IMPG1: variants seen among roughly 807,000 people sequenced by gnomAD.
IMPG1 encodes interphotoreceptor matrix proteoglycan of 150 kDa.
A neutral mutation model predicts 92.0 loss-of-function variants in IMPG1; 85 were observed. The ratio of observed to expected loss-of-function variants is 0.92; its 90% CI spans 0.78 to 1.11. IMPG1 has a LOEUF of 1.11. Among genes scored for constraint, IMPG1 ranks in the 50% least tolerant of loss-of-function variants. The pLI, the probability that IMPG1 is intolerant of heterozygous loss-of-function variation, is 0.00. For missense variants in IMPG1, 1,022 were observed against 956.0 expected (o/e 1.07, Z -0.91); for synonymous variants, 367 against 334.1 (o/e 1.10, Z -1.08).
At chr6:76,040,712 T>A (rs187555604) in intron 2 of IMPG1, among the ~76,000 whole-genome samples, 177 of 152,360 alleles carry the variant, frequency 1.2e-3, no homozygotes, top group African/African-American at 4.1e-3. Context: ...AATATCTTTT[T>A]ACTTCCACAG....
chr6:75,953,069 T>TTCTTATGATGTGA lies in IMPG1; in HGVS notation c.1292-1988_1292-1976dup, dbSNP rs369764973. Among the ~76,000 whole-genome samples the TTCTTATGATGTGA allele has an allele frequency of 3.9e-3, 587 of 152,306 alleles. 6 individuals are homozygous for TTCTTATGATGTGA. Among genetic ancestry groups the TTCTTATGATGTGA allele is most frequent in the African/African-American group, 0.014 (562 of 41,566 alleles). On this transcript the variant is annotated intron_variant, in intron 12 of 16. Transcript: ENST00000369950. Reference sequence around the variant, plus strand: ...CATGGGAAATGCATTTGATTCTGTGTTCTTATGATGTGATCTCTGCTCCTG... The same window carrying TTCTTATGATGTGA: ...CATGGGAAATGCATTTGATTCTGTGTTCTTATGATGTGATCTTATGATGTGATCTCTGCTCCTG...
Position 75,950,976 on chromosome 6 carries a change from A to C in IMPG1, c.1410T>G (p.Thr470=). Residue 470 remains threonine, a synonymous_variant, in exon 13 of 17, where the codon ACT becomes ACG. Coordinates refer to ENST00000369950, the MANE Select transcript of IMPG1 (RefSeq NM_001563.4). ...TDQGTTDTMA[T]DQTMLVPGLT... ...GCCCTGGTACTAGCATTGTCTGGTC[A>C]GTGGCCATTGTATCTGTGGTGCCTT... 1 of 1,613,964 alleles carries C rather than the reference A, an allele frequency of 6.2e-7. No individual in the cohort carries two copies. Among genetic ancestry groups the C allele is most frequent in the South Asian group, 1.1e-5 (1 of 91,082 alleles).
chr6:75,964,622 A>G (rs1296364263), intron 12 of IMPG1, among the ~76,000 whole-genome samples: 1 of 143,000 alleles, frequency 7.0e-6, no homozygotes, highest in Non-Finnish European at 1.5e-5. Flanking sequence ...CGTTGCACTG[A>G]GCTGAGATGG....
rs761229787 is a variant in IMPG1 at position 76,022,201 on chromosome 6, A to G, written c.581T>C (p.Leu194Pro). ...VISTDVANVSLGPFPLTPDDT... is the reference protein window; with the variant it reads ...VISTDVANVSPGPFPLTPDDT... The stretch of plus-strand genomic sequence containing the variant: ...ATCAGGAGTGAGAGGGAAAGGCCCA[A>G]GTGAGACGTTGGCAACATCTGTGAA... The change falls in exon 6 of 17, where the codon CTT becomes CCT. Residue 194 changes from leucine (L) to proline (P), a missense_variant. Physicochemically the swap from Leu to Pro is moderately conservative, Grantham distance 98. Coordinates refer to ENST00000369950, the MANE Select transcript of IMPG1 (RefSeq NM_001563.4). The G allele has an allele frequency of 6.3e-7, 1 of 1,591,280 alleles. No individual in the cohort carries two copies. Among genetic ancestry groups the G allele is most frequent in the Non-Finnish European group, 8.6e-7 (1 of 1,163,878 alleles).
chr6:76,024,975 G>A, intron 5 of IMPG1: 1 of 594,816 alleles, frequency 1.7e-6, no homozygotes, highest in Non-Finnish European at 3.1e-6. Context: ...TTTCCAAACT[G>A]TAAGATATTG....
chr6:75,959,908 G>C (rs1468214910), intron 12 of IMPG1, among the ~76,000 whole-genome samples: 1 of 152,202 alleles, frequency 6.6e-6, no homozygotes, highest in Non-Finnish European at 1.5e-5. Flanking sequence ...GCAACACTTT[G>C]GTATGAAAAA....
intron 2 of IMPG1, among the ~76,000 whole-genome samples, chr6:76,036,041 A>C (rs908709957): frequency 2.4e-4 from 36 of 152,388 alleles, no homozygotes; most frequent in African/African-American, 8.2e-4. Context: ...GAATAAGAAC[A>C]GTGCTGTAAC....
At chr6:76,022,267 T>A in intron 5 of IMPG1, 48 bp from the exon 6 acceptor site, 2 of 1,039,994 alleles carry the variant, frequency 1.9e-6, no homozygotes, top group Non-Finnish European at 2.9e-6. Context: ...AATGGAGGAG[T>A]TTAAATTAGA....
At chr6:76,012,045 T>C (rs1488334316) in intron 7 of IMPG1, among the ~76,000 whole-genome samples, 2 of 142,464 alleles carry the variant, frequency 1.4e-5, no homozygotes, top group Non-Finnish European at 2.9e-5. Context: ...GGAAATTATC[T>C]ATAATGTGAA....
At chr6:75,992,101 A>G (rs1478212597) in intron 12 of IMPG1, among the ~76,000 whole-genome samples, 1 of 152,258 alleles carries the variant, frequency 6.6e-6, no homozygotes, top group African/African-American at 2.4e-5. Context: ...AGGCCTCAAT[A>G]GGAAAAAGAC....
intron 13 of IMPG1, among the ~76,000 whole-genome samples, chr6:75,948,013 T>C (rs1781956920): frequency 6.6e-6 from 1 of 152,264 alleles, no homozygotes. Flanking sequence ...CATGTCTCTC[T>C]ACGCAGTAAA....
At chr6:75,995,990 G>A (rs1782894123) in intron 12 of IMPG1, among the ~76,000 whole-genome samples, 1 of 152,200 alleles carries the variant, frequency 6.6e-6, no homozygotes, top group South Asian at 2.1e-4. Context: ...TTTGTTGAAT[G>A]AATAAATGAA....
chr6:76,001,406 T>C (rs1782987252), intron 12 of IMPG1, among the ~76,000 whole-genome samples: 1 of 152,222 alleles, frequency 6.6e-6, no homozygotes, highest in Non-Finnish European at 1.5e-5. Flanking sequence ...GCATAAATTC[T>C]TCCATACTTC....
intron 1 of IMPG1, among the ~76,000 whole-genome samples, chr6:76,061,693 G>A (rs1441688158): frequency 1.3e-5 from 2 of 152,132 alleles, no homozygotes; most frequent in Non-Finnish European, 2.9e-5. Context: ...GACTTGGCAA[G>A]GGTAAATTTT....
rs753762231 is a variant in IMPG1 at position 76,025,262 on chromosome 6, T to C, written c.498-4A>G. ...CTCTGCAGATATTTCATCTTTTCTA[T>C]TAGTACAATAGAAAAGAAGGAAGAG... On this transcript the variant is annotated splice_region_variant and splice_polypyrimidine_tract_variant and intron_variant, in intron 4 of 16. Transcript: ENST00000369950. The C allele has an allele frequency of 6.5e-7, 1 of 1,549,752 alleles. No individual in the cohort carries two copies. The highest frequency in any genetic ancestry group is 1.7e-5 in the Admixed American group (1 of 58,640).
intron 9 of IMPG1, among the ~76,000 whole-genome samples, chr6:76,006,434 A>T (rs929702175): frequency 2.0e-5 from 3 of 148,142 alleles, no homozygotes; most frequent in Non-Finnish European, 3.0e-5. Context: ...TTACCCATCC[A>T]TATACCCATA....
At chr6:75,986,012 T>C (rs1189027673) in intron 12 of IMPG1, among the ~76,000 whole-genome samples, 1 of 152,190 alleles carries the variant, frequency 6.6e-6, no homozygotes, top group Non-Finnish European at 1.5e-5. Context: ...AGATTGGAAA[T>C]GACTGCTCCT....
chr6:75,965,603 GTTC>G (rs1782293223), intron 12 of IMPG1, among the ~76,000 whole-genome samples: 1 of 64,482 alleles, frequency 1.6e-5, no homozygotes, highest in Non-Finnish European at 3.2e-5. Context: ...CTACATACTT[GTTC>G]TTTTTTTTTT....
At chr6:76,018,999 G>T (rs1250367952) in intron 6 of IMPG1, 141 bp from the exon 7 acceptor site, 2 of 720,430 alleles carry the variant, frequency 2.8e-6, no homozygotes, top group Non-Finnish European at 4.1e-6. Flanking sequence ...CTTTTAACTA[G>T]AACTTAGAGA....
Sources: gnomAD v4.1 joint callset for allele counts (sites outside exome capture counted in the v4.1 genomes callset) on GRCh38, gnomAD v4.1.1 for gene constraint, MANE v1.5 for transcripts, NCBI Gene and HGNC (gene_info 2026-07-23, HGNC 2026-07-21) for gene names.